IK: variants seen among roughly 807,000 people sequenced by gnomAD.
IK encodes protein Red.
Under a neutral mutation model 90.9 loss-of-function variants are expected in IK, and 47 were observed. The observed-to-expected ratio is 0.52, with a 90% CI of 0.41 to 0.66. The LOEUF is 0.66. Among genes scored for constraint, IK ranks in the 30% least tolerant of loss-of-function variants. IK has a pLI of 0.00. For missense variants in IK, 385 were observed against 709.3 expected, an observed-to-expected ratio of 0.54 and a Z score of 5.19; for synonymous variants, 201 against 227.5, an observed-to-expected ratio of 0.88 and a Z score of 1.05.
intron 15 of IK, chr5:140,660,425 G>A: frequency 1.9e-6 from 1 of 536,508 alleles, no homozygotes; most frequent in Non-Finnish European, 3.3e-6. Context: ...ACCCTCCCAA[G>A]TAGCTGGGAT....
Position 140,651,764 on chromosome 5 carries a change from C to T in IK, c.134C>T (p.Ala45Val), listed in dbSNP as rs755357879. 4.3e-6 allele frequency: 7 copies of T among 1,612,762 alleles called. No individual in the cohort carries two copies. Among genetic ancestry groups the T allele is most frequent in the Non-Finnish European group, 1.7e-6 (2 of 1,178,784 alleles). Residue 45 changes from alanine (A) to valine (V), a missense_variant, in exon 3 of 20, where the codon GCT (alanine) becomes GTT (valine). Coordinates refer to ENST00000417647, the MANE Select transcript of IK (RefSeq NM_006083.4). ...DFRKLLMTPRAAPTSAPPSKS... is the reference protein window; with the variant it reads ...DFRKLLMTPRVAPTSAPPSKS... ...AGGAAACTTCTCATGACCCCCAGGG[C>T]TGCACCTACCTCTGCACCACCTTCT... is the stretch of plus-strand genomic sequence containing the variant.
At chr5:140,648,112 A>G (rs750777592) in intron 1 of IK, 188 bp downstream of exon 1, 1 of 748,992 alleles carries the variant, frequency 1.3e-6, no homozygotes, top group African/African-American at 1.7e-5. Flanking sequence ...GACAGCTCCA[A>G]ACTCCGTCCC....
chr5:140,651,984 T>C lies in IK; in HGVS notation c.177-104T>C. ...TTTCTGCTTGATTGAAAGTGTTACT[T>C]TGATCAGTATTCTAGGTCTTTCTAA... On this transcript the variant is annotated intron_variant, in intron 3 of 19. Coordinates refer to ENST00000417647, the MANE Select transcript of IK (RefSeq NM_006083.4). 3 of 935,088 alleles carry C rather than the reference T, an allele frequency of 3.2e-6. No homozygotes were observed. In the East Asian group the frequency reaches 7.2e-5, roughly 22 times the overall value. The allele number at this position is 935,088 out of a possible 1,614,324, so 57.9% of individuals were successfully genotyped here. A position where few individuals can be genotyped will look rare whatever the true frequency, so the allele number is the denominator to read the frequency against.
At chr5:140,660,871 G>A in intron 16 of IK, 56 bp downstream of exon 16, 1 of 1,337,634 alleles carries the variant, frequency 7.5e-7, no homozygotes, top group South Asian at 1.2e-5. Flanking sequence ...TGTTTTACAT[G>A]TATCTCCTTC....
At position 140,661,350 on chromosome 5, in the gene IK, A is replaced by G. The variant is rs1187519305; in HGVS notation, c.1414-270A>G. On this transcript the variant is annotated intron_variant, in intron 16 of 19. Transcript: ENST00000417647. This position sits in a 1 kb window ranked among gnomAD's most constrained non-coding sequence, Gnocchi z 4.2. Reference sequence around the variant, plus strand: ...AACTTGCCAAGTTCTTTCACTGTTTATGCCTCAGTTTCCTCATCAGGAAAA... The same window carrying G: ...AACTTGCCAAGTTCTTTCACTGTTTGTGCCTCAGTTTCCTCATCAGGAAAA... 9.9e-5 allele frequency: 42 copies of G among 422,350 alleles called. No individual in the cohort carries two copies. The highest frequency in any genetic ancestry group is 4.7e-5 in the Non-Finnish European group (11 of 235,086). The allele number at this position is 422,350 out of a possible 1,614,324, so 26.2% of individuals were successfully genotyped here.
chr5:140,656,072 G>A, intron 9 of IK, 80 bp downstream of exon 9: 2 of 1,335,358 alleles, frequency 1.5e-6, no homozygotes, highest in Non-Finnish European at 2.1e-6. Context: ...CGTGTCCCTT[G>A]TCCACCATGT....
chr5:140,662,336 G>A lies in IK; in HGVS notation c.*7G>A, dbSNP rs199953138. 1.1e-5 allele frequency: 18 copies of A among 1,613,736 alleles called. No homozygotes were observed. The East Asian group carries it at 4.0e-4, about 36-fold the overall frequency. ...CAAAAGACCAAAATACTAATCACTAGTTACAACCAGAGATGCTCCACAAGG... is the reference window on the plus strand; with the variant it reads ...CAAAAGACCAAAATACTAATCACTAATTACAACCAGAGATGCTCCACAAGG... On this transcript the variant is annotated 3_prime_UTR_variant, in exon 20 of 20. Coordinates refer to ENST00000417647, the MANE Select transcript of IK (RefSeq NM_006083.4).
intron 11 of IK, 51 bp from the exon 12 acceptor site, chr5:140,658,888 A>G: frequency 6.2e-7 from 1 of 1,605,166 alleles, no homozygotes; most frequent in Non-Finnish European, 8.5e-7. Flanking sequence ...GGTCAGGGGG[A>G]GTGAAGGTGT....
Position 140,662,213 on chromosome 5 carries a change from G to C in IK, c.1646G>C (p.Gly549Ala). 1 of 1,613,966 alleles carries C rather than the reference G, an allele frequency of 6.2e-7. No homozygotes were observed. Among genetic ancestry groups the C allele is most frequent in the Non-Finnish European group, 8.5e-7 (1 of 1,179,896 alleles). Reference sequence around the variant, plus strand: ...AAGAGGAAGAAGATGGAAGCTGATGGGTGAGCGGCATTATTCTTCCTCTGT... The same window carrying C: ...AAGAGGAAGAAGATGGAAGCTGATGCGTGAGCGGCATTATTCTTCCTCTGT... ...IEKRKKMEADGVEVKRPKY is the reference protein window; with the variant it reads ...IEKRKKMEADAVEVKRPKY Residue 549 changes from glycine (G) to alanine (A), a missense_variant and splice_region_variant, in exon 19 of 20, where the codon GGG (glycine) becomes GCG (alanine). This residue lies in a region of IK where 29 missense variants were observed against 41.8 expected (regional missense o/e 0.69). Transcript: ENST00000417647.
intron 5 of IK, 41 bp downstream of exon 5, chr5:140,653,185 G>C: frequency 6.4e-7 from 1 of 1,559,790 alleles, no homozygotes; most frequent in Non-Finnish European, 8.8e-7. Context: ...CTCAGCATCC[G>C]AGAGTCATGC....
chr5:140,648,741 G>T (rs200032288), intron 2 of IK: 48 of 466,274 alleles, frequency 1.0e-4, no homozygotes, highest in East Asian at 2.5e-4. Context: ...AAGGTGTTAA[G>T]TTTTTTTTTT....
intron 10 of IK, among the ~76,000 whole-genome samples, chr5:140,658,166 T>TG (rs1444599202): frequency 2.0e-5 from 3 of 151,816 alleles, no homozygotes; most frequent in Non-Finnish European, 4.4e-5. Flanking sequence ...TCACCACGCC[T>TG]GGCTAATTTT....
At chr5:140,657,710 G>C (rs1757734845) in intron 10 of IK, 48 bp downstream of exon 10, 2 of 1,277,756 alleles carry the variant, frequency 1.6e-6, no homozygotes, top group Non-Finnish European at 2.2e-6. Context: ...AGGACGTTTG[G>C]GGATAAAACC....
intron 10 of IK, among the ~76,000 whole-genome samples, chr5:140,658,501 G>A (rs181946531): frequency 2.4e-3 from 363 of 151,960 alleles, no homozygotes; most frequent in Admixed American, 4.7e-3. Context: ...TGTACTTTTA[G>A]TAGAGATGGG....
Position 140,661,580 on chromosome 5 carries a change from A to T in IK, c.1414-40A>T. On this transcript the variant is annotated intron_variant, in intron 16 of 19. Coordinates refer to ENST00000417647, the MANE Select transcript of IK (RefSeq NM_006083.4). This position sits in a 1 kb window ranked among gnomAD's most constrained non-coding sequence, Gnocchi z 4.2. ...GGGCTGAAATTCCATTTCCACTGACATCTCTTCCTTCCCCATCCCCCGATT... is the reference window on the plus strand; with the variant it reads ...GGGCTGAAATTCCATTTCCACTGACTTCTCTTCCTTCCCCATCCCCCGATT... 7.1e-7 allele frequency: 1 copy of T among 1,408,180 alleles called. No individual in the cohort carries two copies. Among genetic ancestry groups the T allele is most frequent in the Non-Finnish European group, 9.9e-7 (1 of 1,012,284 alleles). 87.2% of individuals were successfully genotyped at this position (1,408,180 alleles called of 1,614,324 possible).
chr5:140,648,741 GTTT>G (rs56094200), intron 2 of IK: 141 of 466,764 alleles, frequency 3.0e-4, no homozygotes, highest in Admixed American at 1.8e-3. Flanking sequence ...AAGGTGTTAA[GTTT>G]TTTTTTTTTT....
chr5:140,653,530 G>A (rs1366285030), intron 5 of IK, among the ~76,000 whole-genome samples: 3 of 150,720 alleles, frequency 2.0e-5, no homozygotes, highest in Non-Finnish European at 4.4e-5. Context: ...TGATCCACCC[G>A]CCTCGGCCTG....
chr5:140,655,478 A>C (rs1757693633), intron 8 of IK, among the ~76,000 whole-genome samples: 1 of 152,220 alleles, frequency 6.6e-6, no homozygotes, highest in South Asian at 2.1e-4. Context: ...ATATTACCTT[A>C]AACTTCATCC....
At chr5:140,649,730 G>C (rs1158992111) in intron 2 of IK, among the ~76,000 whole-genome samples, 3 of 150,320 alleles carry the variant, frequency 2.0e-5, no homozygotes, top group Non-Finnish European at 4.4e-5. Context: ...ACAGGGTTTC[G>C]CTATGTTGGC....
Sources: allele counts gnomAD v4.1 joint callset (sites outside exome capture counted in the v4.1 genomes callset), GRCh38; gene constraint gnomAD v4.1.1; regional missense constraint gnomAD v4.1.1; non-coding constraint Gnocchi (gnomAD v3.1); transcripts MANE v1.5; gene names NCBI Gene and HGNC (gene_info 2026-07-23, HGNC 2026-07-21).